WDR5: variants seen among roughly 807,000 people sequenced by gnomAD.
The protein encoded by WDR5 is WD repeat-containing protein 5.
For synonymous variants in WDR5, 144 were observed against 161.6 expected, an observed-to-expected ratio of 0.89 and a Z score of 0.83; for missense variants, 187 against 416.9, an observed-to-expected ratio of 0.45 and a Z score of 4.80.
chr9:134,139,863 G>A lies in WDR5; in HGVS notation c.-15G>A, dbSNP rs769383324. The stretch of plus-strand genomic sequence containing the variant: ...TCCCTCCACCCTTGTCTCCTGTGCG[G>A]CCAGCGTCAGAGCCATGGCGACGGA... On this transcript the variant is annotated 5_prime_UTR_variant, in exon 2 of 14. Coordinates refer to ENST00000358625, the MANE Select transcript of WDR5 (RefSeq NM_017588.3). 1 of 1,613,322 alleles carries A rather than the reference G, an allele frequency of 6.2e-7. No individual in the cohort carries two copies. The highest frequency in any genetic ancestry group is 1.7e-5 in the Admixed American group (1 of 59,998).
intron 1 of WDR5, among the ~76,000 whole-genome samples, chr9:134,138,990 A>G (rs1048577217): frequency 8.5e-5 from 13 of 152,144 alleles, no homozygotes; most frequent in Non-Finnish European, 1.6e-4. Context: ...ATCTATTCCC[A>G]TGGTAGAGGA....
chr9:134,143,269 G>C (rs1266567518), intron 7 of WDR5, among the ~76,000 whole-genome samples: 1 of 152,174 alleles, frequency 6.6e-6, no homozygotes, highest in South Asian at 2.1e-4. Flanking sequence ...GGCCGGGCGT[G>C]GCGGCTCACG....
chr9:134,135,920 T>C (rs1831512475), upstream of WDR5: 1 of 152,124 alleles, frequency 6.6e-6, no homozygotes, highest in Non-Finnish European at 1.5e-5. Flanking sequence ...ATTAAAGCTT[T>C]TAAGCGGGAA....
chr9:134,141,771 G>T (rs912940653), intron 4 of WDR5, among the ~76,000 whole-genome samples, 178 bp from the exon 5 acceptor site: 1 of 152,178 alleles, frequency 6.6e-6, no homozygotes, highest in East Asian at 1.9e-4. Flanking sequence ...AGGAGTGTCT[G>T]TGAGGCTGGC....
At chr9:134,143,130 C>T (rs75873539) in intron 7 of WDR5, among the ~76,000 whole-genome samples, 1,205 of 10,680 alleles carry the variant, frequency 0.11, 17 homozygotes, top group African/African-American at 0.28. Flanking sequence ...CTTTGATGGG[C>T]GGGCTGGGTG....
intron 7 of WDR5, among the ~76,000 whole-genome samples, chr9:134,147,907 C>T (rs975147096): frequency 3.3e-5 from 5 of 151,778 alleles, no homozygotes; most frequent in African/African-American, 1.2e-4. Context: ...TGTAATCCCG[C>T]AGTTTGGGAA....
chr9:134,136,227 G>A (rs1225763143), intron 1 of WDR5, 27 bp downstream of exon 1: 2 of 148,300 alleles, frequency 1.3e-5, no homozygotes, highest in Non-Finnish European at 3.0e-5. Flanking sequence ...CCGGCCCGGG[G>A]AACACAAGGC....
At chr9:134,137,443 G>C (rs1204649086) in intron 1 of WDR5, among the ~76,000 whole-genome samples, 1 of 152,064 alleles carries the variant, frequency 6.6e-6, no homozygotes, top group Non-Finnish European at 1.5e-5. Context: ...AGCACTTTGG[G>C]AGGCTGAGGC....
rs1161837047 is a variant in WDR5 at position 134,157,444 on chromosome 9, G to T, written c.905-449G>T. Among the ~76,000 whole-genome samples, 2 of 152,148 alleles carry T rather than the reference G, an allele frequency of 1.3e-5. No individual in the cohort carries two copies. Among genetic ancestry groups the T allele is most frequent in the African/African-American group, 4.8e-5 (2 of 41,432 alleles). ...GGGTGCTCTGGGGCTTAGCATTGGGGGGAGGCGGTGGGAGTGGGCGGCTCA... is the reference window on the plus strand; with the variant it reads ...GGGTGCTCTGGGGCTTAGCATTGGGTGGAGGCGGTGGGAGTGGGCGGCTCA... On this transcript the variant is annotated intron_variant, in intron 13 of 13. Transcript: ENST00000358625. This position sits in a 1 kb window ranked among gnomAD's most constrained non-coding sequence, Gnocchi z 5.0.
rs139196098 is a variant in WDR5 at position 134,152,466 on chromosome 9, G to A, written c.631+437G>A. On this transcript the variant is annotated intron_variant, in intron 9 of 13. Transcript: ENST00000358625. ...CTGGGGGCACGGAGGACAGGCCTGA[G>A]GAGAGGAAGGAGGGACGTGGCGTGG... is the stretch of plus-strand genomic sequence containing the variant. Among the ~76,000 whole-genome samples, 1,241 of 152,330 alleles carry A rather than the reference G, an allele frequency of 8.1e-3. 18 individuals carry two copies. Among genetic ancestry groups the A allele is most frequent in the African/African-American group, 0.029 (1,199 of 41,568 alleles).
At chr9:134,151,801 A>G (rs1053858410) in intron 8 of WDR5, among the ~76,000 whole-genome samples, 182 bp from the exon 9 acceptor site, 3 of 152,152 alleles carry the variant, frequency 2.0e-5, no homozygotes, top group African/African-American at 7.2e-5. Context: ...TGATGTTTGT[A>G]TGGACAGTGT....
intron 8 of WDR5, among the ~76,000 whole-genome samples, chr9:134,151,044 G>A (rs1423617642): frequency 1.3e-5 from 2 of 152,166 alleles, no homozygotes; most frequent in Non-Finnish European, 1.5e-5. Context: ...GAGATGAGGC[G>A]GCTCCGGAGA....
chr9:134,154,086 A>T (rs932515672), intron 9 of WDR5, among the ~76,000 whole-genome samples: 4 of 152,122 alleles, frequency 2.6e-5, no homozygotes, highest in Non-Finnish European at 5.9e-5. Flanking sequence ...AGAATTTCCG[A>T]GGTGATTCCC....
Position 134,154,557 on chromosome 9 carries a change from G to A in WDR5, c.707+16G>A. On this transcript the variant is annotated intron_variant, in intron 10 of 13. Coordinates refer to ENST00000358625, the MANE Select transcript of WDR5 (RefSeq NM_017588.3). ...CGCTGGACAAGTGAGTACTGCGTGG[G>A]ACTGTGGGGGCGGGCATGTGGCCTC... The A allele has an allele frequency of 2.5e-6, 4 of 1,613,796 alleles. No individual in the cohort carries two copies. The highest frequency in any genetic ancestry group is 3.4e-6 in the Non-Finnish European group (4 of 1,179,772).
intron 3 of WDR5, among the ~76,000 whole-genome samples, chr9:134,141,088 C>T (rs1831864872): frequency 6.6e-6 from 1 of 152,116 alleles, no homozygotes; most frequent in African/African-American, 2.4e-5. Context: ...TCGAGAGCAG[C>T]CTGGCCAATA....
At chr9:134,142,133 C>G (rs1831923505) in intron 5 of WDR5, 95 bp downstream of exon 5, 2 of 1,147,498 alleles carry the variant, frequency 1.7e-6, no homozygotes, top group Admixed American at 3.8e-5. Flanking sequence ...AAGCAACACT[C>G]AGCGCTCCTC....
In WDR5 at chr9:134,141,886, G is replaced by T; in HGVS notation, c.265-63G>T. The T allele has an allele frequency of 3.3e-6, 5 of 1,505,440 alleles. No individual in the cohort carries two copies. The South Asian group carries it at 3.4e-5, about 10-fold the overall frequency. The allele number at this position is 1,505,440 out of a possible 1,614,324, so 93.3% of individuals were successfully genotyped here. On this transcript the variant is annotated intron_variant, in intron 4 of 13. Transcript: ENST00000358625. ...GGGCAATGGGGATGTTTGGGATTTT[G>T]ACCTTTTGCCGATGGTCCTATTTTG...
chr9:134,147,889 C>T (rs986615367), intron 7 of WDR5, among the ~76,000 whole-genome samples: 3 of 151,974 alleles, frequency 2.0e-5, no homozygotes, highest in Non-Finnish European at 2.9e-5. Context: ...GGCGCGGTGC[C>T]TCACACCTGT....
intron 7 of WDR5, among the ~76,000 whole-genome samples, chr9:134,146,762 C>T (rs910662142): frequency 2.0e-5 from 3 of 152,184 alleles, no homozygotes; most frequent in African/African-American, 4.8e-5. Context: ...TTACATCCAT[C>T]GTAATAGTCT....
Sources: allele counts gnomAD v4.1 joint callset (sites outside exome capture counted in the v4.1 genomes callset), GRCh38; gene constraint gnomAD v4.1.1; non-coding constraint Gnocchi (gnomAD v3.1); transcripts MANE v1.5; gene names NCBI Gene and HGNC (gene_info 2026-07-23, HGNC 2026-07-21).